Variants in IL1RAPL2 observed in about 807,000 individuals in gnomAD.
IL1RAPL2 encodes interleukin 1 receptor accessory protein like 2, also known as X-linked interleukin-1 receptor accessory protein-like 2.
In IL1RAPL2, 3 loss-of-function variants were observed where a neutral mutation model predicts 44.1. The ratio of observed to expected loss-of-function variants is 0.07; its 90% CI spans 0.03 to 0.18. IL1RAPL2 has a LOEUF of 0.18. Among genes scored for constraint, IL1RAPL2 ranks in the 10% least tolerant of loss-of-function variants. The pLI, the probability that IL1RAPL2 is intolerant of heterozygous loss-of-function variation, is 1.00. For missense variants in IL1RAPL2, 391 were observed against 496.4 expected (o/e 0.79, Z 2.02); for synonymous variants, 181 against 178.8 (o/e 1.01, Z -0.10).
intron 2 of IL1RAPL2, among the ~76,000 whole-genome samples, chrX:104,978,757 C>T (rs2030382903): frequency 8.9e-6 from 1 of 111,853 alleles, no homozygotes; most frequent in Non-Finnish European, 1.9e-5. Context: ...TGCATAAAAG[C>T]TGCTAAAACC....
intron 5 of IL1RAPL2, among the ~76,000 whole-genome samples, chrX:105,379,359 A>C (rs1602384975): frequency 8.9e-6 from 1 of 111,869 alleles, no homozygotes. Flanking sequence ...CAAAAGTAGT[A>C]GAAAGTTAGC....
intron 6 of IL1RAPL2, among the ~76,000 whole-genome samples, chrX:105,692,717 G>A (rs1261537664): frequency 9.1e-6 from 1 of 109,917 alleles, no homozygotes; most frequent in Non-Finnish European, 1.9e-5. Flanking sequence ...GGTTGGTGAG[G>A]GCCTTGAATA....
At chrX:105,530,219 A>G (rs1387982771) in intron 6 of IL1RAPL2, among the ~76,000 whole-genome samples, 1 of 111,806 alleles carries the variant, frequency 8.9e-6, no homozygotes, top group East Asian at 2.8e-4. Context: ...CATCCTCACA[A>G]ATACTTGTTA....
chrX:105,168,609 G>GT (rs112726403), intron 2 of IL1RAPL2, among the ~76,000 whole-genome samples: 13,174 of 110,085 alleles, frequency 0.12, 1,941 homozygotes, highest in African/African-American at 0.42. Flanking sequence ...AGCCAGAGGT[G>GT]TAAGTTTCAG....
chrX:104,661,323 G>A (rs1489916711), intron 2 of IL1RAPL2, among the ~76,000 whole-genome samples: 2 of 111,476 alleles, frequency 1.8e-5, no homozygotes, highest in Non-Finnish European at 3.8e-5. Flanking sequence ...TCATTTGAAT[G>A]CACAGCTGGT....
chrX:105,241,024 C>T (rs1312251979), intron 4 of IL1RAPL2, among the ~76,000 whole-genome samples: 1 of 111,098 alleles, frequency 9.0e-6, no homozygotes, highest in Non-Finnish European at 1.9e-5. Flanking sequence ...TACGCTCCAG[C>T]CTGGGTGACA....
chrX:105,766,869 G>A (rs946674648), intron 10 of IL1RAPL2, 95 bp from the exon 11 acceptor site: 30 of 559,218 alleles, frequency 5.4e-5, no homozygotes, highest in Non-Finnish European at 8.1e-5. Flanking sequence ...ACTTTAGTGA[G>A]AGACTGGATC....
In IL1RAPL2 at chrX:105,354,297, A is replaced by G. The variant is rs764025336; in HGVS notation, c.697+86756A>G. ...ACTGGATTAAGAAAATGTGGCACATATACACCATGGAATACTATGCAGCCA... is the reference window on the plus strand; with the variant it reads ...ACTGGATTAAGAAAATGTGGCACATGTACACCATGGAATACTATGCAGCCA... On this transcript the variant is annotated intron_variant, in intron 5 of 10. Coordinates refer to ENST00000372582, the MANE Select transcript of IL1RAPL2 (RefSeq NM_017416.2). Among the ~76,000 whole-genome samples, 24 of 110,141 alleles carry G rather than the reference A, an allele frequency of 2.2e-4. No homozygotes were observed. In the Admixed American group the frequency reaches 2.2e-3, roughly 10 times the overall value.
chrX:104,722,307 T>C (rs1272635039), intron 2 of IL1RAPL2, among the ~76,000 whole-genome samples: 1 of 111,745 alleles, frequency 8.9e-6, no homozygotes, highest in Admixed American at 9.5e-5. Flanking sequence ...TTATATTATT[T>C]TCATTTGTCA....
At chrX:105,161,096 G>T (rs1053067889) in intron 2 of IL1RAPL2, among the ~76,000 whole-genome samples, 1 of 110,231 alleles carries the variant, frequency 9.1e-6, no homozygotes, top group Non-Finnish European at 1.9e-5. Context: ...AAAACAATAA[G>T]CTGTGCATGG....
chrX:105,764,941 G>T (rs1331348688), intron 10 of IL1RAPL2, among the ~76,000 whole-genome samples: 1 of 112,073 alleles, frequency 8.9e-6, no homozygotes, highest in Non-Finnish European at 1.9e-5. Context: ...TTTTTTAAAT[G>T]GAATTACAAG....
intron 2 of IL1RAPL2, among the ~76,000 whole-genome samples, chrX:105,009,962 C>G (rs1471547333): frequency 1.8e-5 from 2 of 110,305 alleles, no homozygotes; most frequent in Non-Finnish European, 3.8e-5. Context: ...CTGTACATAA[C>G]TTTTTAATTA....
chrX:104,727,696 A>G (rs996797516), intron 2 of IL1RAPL2, among the ~76,000 whole-genome samples: 1 of 111,771 alleles, frequency 8.9e-6, no homozygotes, highest in Non-Finnish European at 1.9e-5. Context: ...GTGTCCATCA[A>G]TGGATGATTG....
chrX:105,310,471 C>G (rs1307964812), intron 5 of IL1RAPL2, among the ~76,000 whole-genome samples: 1 of 111,178 alleles, frequency 9.0e-6, no homozygotes, highest in African/African-American at 3.3e-5. Flanking sequence ...TTTATGTATG[C>G]TCTTGTCTTT....
At chrX:105,339,058 G>A (rs2035051115) in intron 5 of IL1RAPL2, among the ~76,000 whole-genome samples, 1 of 111,691 alleles carries the variant, frequency 9.0e-6, no homozygotes, top group Non-Finnish European at 1.9e-5. Flanking sequence ...AGCCAATATG[G>A]CACCACTGCA....
chrX:105,044,905 G>A (rs926975529), intron 2 of IL1RAPL2, among the ~76,000 whole-genome samples: 4 of 110,988 alleles, frequency 3.6e-5, no homozygotes, highest in South Asian at 3.8e-4. Flanking sequence ...AACAATGAAC[G>A]TCCCAATGCC....
chrX:104,832,585 G>A (rs972065458), intron 2 of IL1RAPL2, among the ~76,000 whole-genome samples: 3 of 111,535 alleles, frequency 2.7e-5, no homozygotes, highest in African/African-American at 6.5e-5. Context: ...TTTTCATGAA[G>A]CAAATTGCTT....
intron 5 of IL1RAPL2, among the ~76,000 whole-genome samples, chrX:105,409,785 A>G (rs1013704277): frequency 4.5e-4 from 48 of 107,729 alleles, no homozygotes; most frequent in Non-Finnish European, 7.9e-4. Context: ...AAAGGTAGGC[A>G]GGGACCAAAT....
At chrX:105,225,859 G>A (rs1276300255) in intron 3 of IL1RAPL2, among the ~76,000 whole-genome samples, 1 of 109,090 alleles carries the variant, frequency 9.2e-6, no homozygotes, top group Admixed American at 9.9e-5. Flanking sequence ...GCTAATTTTT[G>A]TAGAGACAGG....
Sources: gnomAD v4.1 joint callset for allele counts (sites outside exome capture counted in the v4.1 genomes callset) on GRCh38, gnomAD v4.1.1 for gene constraint, MANE v1.5 for transcripts, NCBI Gene and HGNC (gene_info 2026-07-23, HGNC 2026-07-21) for gene names.